The following KCNQ5 variants were observed in gnomAD, a reference collection of about 807,000 sequenced individuals.
KCNQ5 encodes the protein potassium voltage-gated channel subfamily KQT member 5.
In KCNQ5, 30 loss-of-function variants were observed where a neutral mutation model predicts 98.2. The observed-to-expected ratio is 0.31, with a 90% confidence interval of 0.23 to 0.41. KCNQ5 has a LOEUF of 0.41. Ranked by LOEUF, KCNQ5 falls within the 10% of genes least tolerant of loss-of-function variation. KCNQ5 has a pLI of 1.00. For synonymous variants in KCNQ5, 458 were observed against 449.4 expected (o/e 1.02, Z -0.24); for missense variants, 835 against 1,182.5 (o/e 0.71, Z 4.31).
intron 10 of KCNQ5, among the ~76,000 whole-genome samples, chr6:73,140,157 A>G (rs1480570219): frequency 1.3e-5 from 2 of 152,062 alleles, no homozygotes; most frequent in Non-Finnish European, 2.9e-5. Context: ...ATAATGGCCT[A>G]TTTTCTTCCA....
intron 1 of KCNQ5, among the ~76,000 whole-genome samples, chr6:72,697,545 A>C (rs996452575): frequency 2.0e-5 from 3 of 152,232 alleles, no homozygotes; most frequent in Non-Finnish European, 4.4e-5. Flanking sequence ...GATGAATTTC[A>C]GAATGAGAAA....
chr6:73,016,594 A>G (rs1368472448), intron 2 of KCNQ5, among the ~76,000 whole-genome samples: 3 of 152,152 alleles, frequency 2.0e-5, no homozygotes, highest in South Asian at 2.1e-4. Flanking sequence ...AGAATGGACT[A>G]GAGCAGAGAG....
chr6:72,793,198 C>G (rs941597610), intron 1 of KCNQ5, among the ~76,000 whole-genome samples: 4 of 152,178 alleles, frequency 2.6e-5, no homozygotes, highest in Non-Finnish European at 5.9e-5. Context: ...CAAATAAACA[C>G]AAAGTATTTT....
chr6:72,852,724 A>T (rs1777330186), intron 1 of KCNQ5, among the ~76,000 whole-genome samples: 1 of 143,732 alleles, frequency 7.0e-6, no homozygotes, highest in South Asian at 2.2e-4. Flanking sequence ...TAAAAAAAAG[A>T]TAAAATAATT....
intron 3 of KCNQ5, among the ~76,000 whole-genome samples, chr6:73,063,767 A>AT (rs1475373003): frequency 2.1e-5 from 3 of 140,250 alleles, no homozygotes; most frequent in African/African-American, 8.1e-5. Context: ...AGATAGATAT[A>AT]ATAGATCTAC....
intron 1 of KCNQ5, among the ~76,000 whole-genome samples, chr6:72,801,197 CGTT>C (rs1441956293): frequency 1.3e-5 from 2 of 149,056 alleles, no homozygotes; most frequent in African/African-American, 4.9e-5. Context: ...CTTTCTGTCT[CGTT>C]GATCTGTCTA....
rs571318038 is a variant in KCNQ5, at chr6:72,684,912, G to A, written c.398+62325G>A. Among the ~76,000 whole-genome samples the A allele has an allele frequency of 3.5e-4, 53 of 151,978 alleles. 2 individuals carry two copies. Among genetic ancestry groups the A allele is most frequent in the Non-Finnish European group, 5.9e-4 (40 of 67,974 alleles). On this transcript the variant is annotated intron_variant, in intron 1 of 13. Coordinates refer to ENST00000370398, the MANE Select transcript of KCNQ5 (RefSeq NM_019842.4). The stretch of plus-strand genomic sequence containing the variant: ...TGTCTGTGTATTTCTGAGGCCCCTA[G>A]GCATTGCTCCATCTCTCCTCTATAT...
chr6:72,755,768 A>T (rs1771933696), intron 1 of KCNQ5, among the ~76,000 whole-genome samples: 1 of 152,218 alleles, frequency 6.6e-6, no homozygotes, highest in Non-Finnish European at 1.5e-5. Context: ...AATATCCTTT[A>T]TATGTACCTT....
At chr6:72,670,533 A>C (rs1447237980) in intron 1 of KCNQ5, among the ~76,000 whole-genome samples, 1 of 152,142 alleles carries the variant, frequency 6.6e-6, no homozygotes, top group African/African-American at 2.4e-5. Context: ...AAAATCTGTC[A>C]TAATCAGTTC....
chr6:73,047,085 A>AC (rs1772000628), intron 3 of KCNQ5, among the ~76,000 whole-genome samples: 2 of 152,310 alleles, frequency 1.3e-5, no homozygotes, highest in African/African-American at 2.4e-5. Context: ...AAATATACAT[A>AC]CCCAACTGGA....
chr6:73,086,515 G>T (rs1773995041), intron 5 of KCNQ5, among the ~76,000 whole-genome samples: 2 of 152,058 alleles, frequency 1.3e-5, no homozygotes, highest in South Asian at 4.1e-4. Context: ...AGTACATCCT[G>T]GAAAGCCTCC....
intron 2 of KCNQ5, among the ~76,000 whole-genome samples, chr6:73,020,408 T>G (rs976324634): frequency 2.6e-5 from 4 of 152,202 alleles, no homozygotes; most frequent in Non-Finnish European, 4.4e-5. Context: ...AAGAGATGCA[T>G]AGGGCAAGGT....
intron 11 of KCNQ5, among the ~76,000 whole-genome samples, chr6:73,183,261 CAGTA>C (rs1479102070): frequency 1.3e-5 from 2 of 152,196 alleles, no homozygotes; most frequent in Non-Finnish European, 2.9e-5. Flanking sequence ...TTGGCATCTG[CAGTA>C]ACCTTGTTCT....
chr6:73,060,280 C>G (rs909984971), intron 3 of KCNQ5, among the ~76,000 whole-genome samples: 1 of 152,056 alleles, frequency 6.6e-6, no homozygotes, highest in Non-Finnish European at 1.5e-5. Flanking sequence ...TAGAAACAAC[C>G]CTGTGTGGCC....
At chr6:72,727,909 T>G (rs547027545) in intron 1 of KCNQ5, among the ~76,000 whole-genome samples, 1 of 152,312 alleles carries the variant, frequency 6.6e-6, no homozygotes, top group Non-Finnish European at 1.5e-5. Context: ...CTATGTCCAC[T>G]GCACCTTTAT....
At chr6:73,126,964 T>TA (rs1343653791) in intron 9 of KCNQ5, among the ~76,000 whole-genome samples, 2 of 151,740 alleles carry the variant, frequency 1.3e-5, no homozygotes, top group East Asian at 3.9e-4. Flanking sequence ...AAAAGAGAAA[T>TA]AAAAAATTAA....
intron 1 of KCNQ5, among the ~76,000 whole-genome samples, chr6:72,723,148 G>T (rs954243151): frequency 6.6e-6 from 1 of 151,992 alleles, no homozygotes; most frequent in Admixed American, 6.6e-5. Context: ...GAGCCACCAC[G>T]CCCAGCCTGA....
intron 1 of KCNQ5, among the ~76,000 whole-genome samples, chr6:72,748,645 C>T (rs532769750): frequency 4.6e-5 from 7 of 152,226 alleles, no homozygotes; most frequent in Non-Finnish European, 7.4e-5. Flanking sequence ...AAGAAAAATG[C>T]GTTTAATAAC....
intron 1 of KCNQ5, among the ~76,000 whole-genome samples, chr6:72,882,409 T>C (rs930907888): frequency 6.6e-6 from 1 of 152,124 alleles, no homozygotes; most frequent in African/African-American, 2.4e-5. Context: ...AACTAGGAAA[T>C]ACTCTTTATA....
Sources: allele counts gnomAD v4.1 joint callset (sites outside exome capture counted in the v4.1 genomes callset), GRCh38; gene constraint gnomAD v4.1.1; transcripts MANE v1.5; gene names NCBI Gene and HGNC (gene_info 2026-07-23, HGNC 2026-07-21).